The following GINS4 variants were observed in gnomAD, a reference collection of about 807,000 sequenced individuals.
The protein encoded by GINS4 is DNA replication complex GINS protein SLD5.
GINS4 carries 20 observed loss-of-function variants against 31.1 expected under a neutral mutation model. That is an observed-to-expected ratio of 0.64 (90% CI 0.45 to 0.93). The LOEUF (loss-of-function observed/expected upper bound fraction) is 0.93, where lower values mean the gene tolerates loss of function less well. Among genes scored for constraint, GINS4 ranks in the 40% least tolerant of loss-of-function variants. GINS4 has a pLI of 0.00. For missense variants in GINS4, 245 were observed against 273.9 expected (o/e 0.89, Z 0.75); for synonymous variants, 85 against 97.9 (o/e 0.87, Z 0.78).
Position 41,542,429 on chromosome 8 carries a change from A to T in GINS4, c.*342A>T, listed in dbSNP as rs1177063589. 1 of 318,104 alleles carries T rather than the reference A, an allele frequency of 3.1e-6. No individual in the cohort carries two copies. The highest frequency in any genetic ancestry group is 4.3e-5 in the Admixed American group (1 of 23,342). The allele number at this position is 318,104 out of a possible 1,614,324, so 19.7% of individuals were successfully genotyped here. A position where few individuals can be genotyped will look rare whatever the true frequency, so the allele number is the denominator to read the frequency against. ...AAAAAAACAAACTAGGCATAAACTC[A>T]TGAGGTCAGGAGATCAAGACCATCC... On this transcript the variant is annotated 3_prime_UTR_variant, in exon 8 of 8. Coordinates refer to ENST00000276533, the MANE Select transcript of GINS4 (RefSeq NM_032336.3).
At chr8:41,534,239 A>AT (rs1386927386) in intron 2 of GINS4, 4 of 425,264 alleles carry the variant, frequency 9.4e-6, no homozygotes, top group African/African-American at 4.1e-5. Context: ...CCCCATCTTT[A>AT]TTAAAAAAAA....
chr8:41,541,789 CATT>C lies in GINS4; in HGVS notation c.485-19_485-17del, dbSNP rs767309887. ...TTGTTGGCCGAGGATTTCCTAATCACATTGTTGTTTTCCTGGCAGTTCCCAAAC... is the reference window on the plus strand; with the variant it reads ...TTGTTGGCCGAGGATTTCCTAATCACGTTGTTTTCCTGGCAGTTCCCAAAC... On this transcript the variant is annotated splice_polypyrimidine_tract_variant and intron_variant, in intron 6 of 7. Coordinates refer to ENST00000276533, the MANE Select transcript of GINS4 (RefSeq NM_032336.3). 3.4e-5 allele frequency: 55 copies of C among 1,595,492 alleles called. No individual in the cohort carries two copies. Among genetic ancestry groups the C allele is most frequent in the South Asian group, 2.8e-4 (25 of 90,520 alleles).
chr8:41,542,077 A>G lies in GINS4; in HGVS notation c.662A>G (p.Gln221Arg), dbSNP rs1311972422. 1.2e-6 allele frequency: 2 copies of G among 1,613,770 alleles called. No individual in the cohort carries two copies. Among genetic ancestry groups the G allele is most frequent in the Non-Finnish European group, 1.7e-6 (2 of 1,179,678 alleles). The change falls in exon 8 of 8, where the codon CAG (glutamine) becomes CGG (arginine). Residue 221 changes from glutamine to arginine, a missense_variant. Physicochemically the swap from Gln to Arg is conservative, Grantham distance 43. Coordinates refer to ENST00000276533, the MANE Select transcript of GINS4 (RefSeq NM_032336.3). The stretch of plus-strand genomic sequence containing the variant: ...CCTCTGGTTGCATCTGGAGCTGTCC[A>G]GCTAATTTAAAACTAGGCATAAACA... ...IAPLVASGAV[Q>R]LI
intron 6 of GINS4, 64 bp downstream of exon 6, chr8:41,540,068 C>G (rs1354315375): frequency 1.8e-6 from 2 of 1,100,016 alleles, no homozygotes; most frequent in Admixed American, 1.7e-5. Flanking sequence ...GTAGGATCCT[C>G]TCTTCACTGT....
intron 4 of GINS4, among the ~76,000 whole-genome samples, chr8:41,539,445 T>C (rs911122734): frequency 1.3e-5 from 2 of 151,744 alleles, no homozygotes; most frequent in Admixed American, 6.6e-5. Context: ...TTTCAGCCAC[T>C]TAGGAGTCTC....
In GINS4 at chr8:41,537,194, G is replaced by A. The variant is rs747209491; in HGVS notation, c.198G>A (p.Arg66=). ...EQLEHMEENL[R]RAKREDLKVS... is the part of the protein sequence containing the mutation. ...TCATTTAATAGGAAGAAAATCTCAG[G>A]AGAGCCAAAAGGGAGGACCTGAAGG... Residue 66 remains arginine, a synonymous_variant, in exon 4 of 8, where the codon AGG becomes AGA. Coordinates refer to ENST00000276533, the MANE Select transcript of GINS4 (RefSeq NM_032336.3). 1.5e-5 allele frequency: 24 copies of A among 1,611,796 alleles called. No individual in the cohort carries two copies. The highest frequency in any genetic ancestry group is 1.9e-5 in the Non-Finnish European group (22 of 1,178,036).
chr8:41,534,745 T>A (rs1315918945), intron 2 of GINS4, among the ~76,000 whole-genome samples: 1 of 151,928 alleles, frequency 6.6e-6, no homozygotes, highest in Admixed American at 6.6e-5. Context: ...GGTCTTTTTT[T>A]TTTTTGAGAT....
At chr8:41,534,213 A>G (rs1476259382) in intron 2 of GINS4, 1 of 408,274 alleles carries the variant, frequency 2.4e-6, no homozygotes, top group Admixed American at 2.7e-5. Flanking sequence ...AGACCACTGT[A>G]GGCAACATGG....
intron 4 of GINS4, among the ~76,000 whole-genome samples, chr8:41,539,217 G>C (rs1806792149): frequency 6.6e-6 from 1 of 150,746 alleles, no homozygotes; most frequent in African/African-American, 2.4e-5. Flanking sequence ...CTACTTGGGA[G>C]GCTGAGGCCG....
chr8:41,533,878 T>C (rs925222254), intron 2 of GINS4, among the ~76,000 whole-genome samples: 3 of 152,194 alleles, frequency 2.0e-5, no homozygotes, highest in Non-Finnish European at 2.9e-5. Flanking sequence ...TCTCCCTGTG[T>C]CCTTGCATGG....
chr8:41,531,894 C>T (rs772653007), intron 2 of GINS4, among the ~76,000 whole-genome samples: 3 of 152,196 alleles, frequency 2.0e-5, no homozygotes, highest in Non-Finnish European at 4.4e-5. Flanking sequence ...CAGGTTCAAG[C>T]GATTCTCCTG....
Position 41,530,259 on chromosome 8 carries a change from G to C in GINS4, c.57G>C (p.Val19=). ...GQDSDGGSEE[V]VLTPAELIER... The stretch of plus-strand genomic sequence containing the variant: ...ACTCTGATGGGGGTAGTGAGGAAGT[G>C]GTCCTAACTCCTGCAGAGCTCATTG... The change falls in exon 2 of 8, where the codon GTG becomes GTC. Residue 19 remains valine, a synonymous_variant. Transcript: ENST00000276533. The C allele has an allele frequency of 6.2e-7, 1 of 1,613,882 alleles. No homozygotes were observed. The highest frequency in any genetic ancestry group is 2.2e-5 in the East Asian group (1 of 44,870).
chr8:41,532,489 G>C (rs1447422945), intron 2 of GINS4, among the ~76,000 whole-genome samples: 3 of 152,110 alleles, frequency 2.0e-5, no homozygotes, highest in African/African-American at 7.2e-5. Flanking sequence ...CCAGGAGTTT[G>C]AGACCATCCT....
intron 2 of GINS4, among the ~76,000 whole-genome samples, chr8:41,533,898 T>G (rs1286024248): frequency 6.6e-6 from 1 of 152,132 alleles, no homozygotes; most frequent in African/African-American, 2.4e-5. Context: ...GTCTTCCCTC[T>G]CGTGTGTGTC....
Position 41,530,190 on chromosome 8 carries a change from G to C in GINS4, c.-13G>C. ...GTTCTTTCCCTCTCATTAGGTTCCT[G>C]GTTTCAGAGAAGATGACCGAAGAAG... On this transcript the variant is annotated 5_prime_UTR_variant, in exon 2 of 8. Transcript: ENST00000276533. The C allele has an allele frequency of 6.3e-7, 1 of 1,597,146 alleles. No individual in the cohort carries two copies. The highest frequency in any genetic ancestry group is 8.6e-7 in the Non-Finnish European group (1 of 1,165,246).
At position 41,541,782 on chromosome 8, in the gene GINS4, CTAATCACAT is replaced by C; in HGVS notation, c.485-25_485-17del. 1.3e-6 allele frequency: 2 copies of C among 1,582,234 alleles called. No homozygotes were observed. The highest frequency in any genetic ancestry group is 1.7e-6 in the Non-Finnish European group (2 of 1,151,572). ...GTTGACTTTGTTGGCCGAGGATTTC[CTAATCACAT>C]TGTTGTTTTCCTGGCAGTTCCCAAA... On this transcript the variant is annotated intron_variant, in intron 6 of 7. Coordinates refer to ENST00000276533, the MANE Select transcript of GINS4 (RefSeq NM_032336.3).
At position 41,539,957 on chromosome 8, in the gene GINS4, T is replaced by C. The variant is rs1287026854; in HGVS notation, c.437T>C (p.Leu146Ser). 1 of 1,614,206 alleles carries C rather than the reference T, an allele frequency of 6.2e-7. No individual in the cohort carries two copies. Among genetic ancestry groups the C allele is most frequent in the Non-Finnish European group, 8.5e-7 (1 of 1,180,032 alleles). ...GAGTCCTATCTGAAAAATGTCGCCTTGAAGCACATGCCCCCTAACTTACAG... is the reference window on the plus strand; with the variant it reads ...GAGTCCTATCTGAAAAATGTCGCCTCGAAGCACATGCCCCCTAACTTACAG... ...NTESYLKNVA[L>S]KHMPPNLQKV... is the part of the protein sequence containing the mutation. Residue 146 changes from leucine to serine, a missense_variant, in exon 6 of 8, where the codon TTG becomes TCG. Transcript: ENST00000276533.
chr8:41,541,421 T>C (rs1053051005), intron 6 of GINS4, among the ~76,000 whole-genome samples: 2 of 152,146 alleles, frequency 1.3e-5, no homozygotes, highest in Non-Finnish European at 2.9e-5. Context: ...GGGCCCACAC[T>C]ACTTGGCCTC....
intron 2 of GINS4, among the ~76,000 whole-genome samples, chr8:41,534,949 T>C (rs1806716981): frequency 6.6e-6 from 1 of 151,958 alleles, no homozygotes; most frequent in East Asian, 1.9e-4. Context: ...TGGTTTGATC[T>C]CCTGACCTCG....
Sources: allele counts gnomAD v4.1 joint callset (sites outside exome capture counted in the v4.1 genomes callset), GRCh38; gene constraint gnomAD v4.1.1; transcripts MANE v1.5; gene names NCBI Gene and HGNC (gene_info 2026-07-23, HGNC 2026-07-21).